TBC1D32: variants seen among roughly 807,000 people sequenced by gnomAD.
TBC1D32 encodes the protein protein broad-minded.
A neutral mutation model predicts 170.3 loss-of-function variants in TBC1D32; 151 were observed. That is an observed-to-expected ratio of 0.89 (90% CI 0.78 to 1.01). The LOEUF is 1.01. TBC1D32 is among the 50% of genes least tolerant of loss of function. The probability of loss-of-function intolerance (pLI) is 0.00; values close to 1 mark genes in which losing one functional copy is unlikely to be tolerated. For missense variants in TBC1D32, 1,464 were observed against 1,457.1 expected (o/e 1.00, Z -0.08); for synonymous variants, 498 against 488.0 (o/e 1.02, Z -0.27).
intron 30 of TBC1D32, among the ~76,000 whole-genome samples, chr6:121,104,859 T>C (rs958818675): frequency 2.6e-5 from 4 of 151,714 alleles, no homozygotes; most frequent in Non-Finnish European, 5.9e-5. Flanking sequence ...TAATTTAACA[T>C]AATAGCAATC....
chr6:121,247,029 T>C (rs894299912), intron 17 of TBC1D32, among the ~76,000 whole-genome samples: 7 of 151,992 alleles, frequency 4.6e-5, no homozygotes, highest in Admixed American at 1.3e-4. Flanking sequence ...CATAAGGTTA[T>C]CTAAAGTCAA....
chr6:121,247,948 C>T (rs1488479080), intron 17 of TBC1D32, among the ~76,000 whole-genome samples: 1 of 152,016 alleles, frequency 6.6e-6, no homozygotes, highest in Non-Finnish European at 1.5e-5. Context: ...TGGACTTAAA[C>T]TATACTCTAC....
At chr6:121,214,648 TCA>T (rs1213081900) in intron 21 of TBC1D32, among the ~76,000 whole-genome samples, 3 of 152,142 alleles carry the variant, frequency 2.0e-5, no homozygotes, top group Non-Finnish European at 4.4e-5. Flanking sequence ...AAAGAGGGTG[TCA>T]CAGCCATGGA....
At chr6:121,293,922 A>G (rs973835423) in intron 11 of TBC1D32, among the ~76,000 whole-genome samples, 1 of 152,180 alleles carries the variant, frequency 6.6e-6, no homozygotes. Context: ...AAAAATAAAT[A>G]AATAAAATAC....
At chr6:121,225,628 G>A (rs1794971319) in intron 20 of TBC1D32, among the ~76,000 whole-genome samples, 1 of 152,012 alleles carries the variant, frequency 6.6e-6, no homozygotes, top group Non-Finnish European at 1.5e-5. Flanking sequence ...GGTAAGGTGT[G>A]ATATGCTACT....
At chr6:121,201,613 G>T (rs1374462415) in intron 22 of TBC1D32, among the ~76,000 whole-genome samples, 2 of 151,118 alleles carry the variant, frequency 1.3e-5, no homozygotes. Context: ...TTGAAATTCA[G>T]CAATTCCTTC....
intron 31 of TBC1D32, among the ~76,000 whole-genome samples, chr6:121,081,518 G>A (rs1165168518): frequency 4.6e-5 from 7 of 151,944 alleles, no homozygotes; most frequent in Non-Finnish European, 7.4e-5. Flanking sequence ...AATATGCGAA[G>A]AAAAGTCATC....
chr6:121,297,677 C>T (rs9387943), intron 10 of TBC1D32, among the ~76,000 whole-genome samples: 1 of 152,138 alleles, frequency 6.6e-6, no homozygotes, highest in South Asian at 2.1e-4. Flanking sequence ...ATGCTACCTA[C>T]TAAAAATGTC....
intron 4 of TBC1D32, among the ~76,000 whole-genome samples, chr6:121,309,526 G>GT (rs1807848409): frequency 6.6e-6 from 1 of 151,852 alleles, no homozygotes; most frequent in Non-Finnish European, 1.5e-5. Flanking sequence ...AAATTTAATA[G>GT]TTTGAGAAAA....
At chr6:121,146,577 G>C (rs1384362912) in intron 24 of TBC1D32, among the ~76,000 whole-genome samples, 1 of 152,160 alleles carries the variant, frequency 6.6e-6, no homozygotes, top group Non-Finnish European at 1.5e-5. Context: ...CAGTCATCTA[G>C]GAGACTAGAA....
At chr6:121,308,744 G>A (rs762499125) in intron 4 of TBC1D32, among the ~76,000 whole-genome samples, 7 of 129,452 alleles carry the variant, frequency 5.4e-5, no homozygotes, top group South Asian at 2.3e-4. Flanking sequence ...GCCAGACTGC[G>A]GACTGCAGTG....
chr6:121,272,573 C>G (rs1583503446), intron 15 of TBC1D32, among the ~76,000 whole-genome samples: 1 of 152,084 alleles, frequency 6.6e-6, no homozygotes, highest in African/African-American at 2.4e-5. Flanking sequence ...CATCTCACAC[C>G]AGTTAGAATG....
chr6:121,279,576 C>T (rs1185417076), intron 14 of TBC1D32, among the ~76,000 whole-genome samples: 1 of 151,870 alleles, frequency 6.6e-6, no homozygotes, highest in Non-Finnish European at 1.5e-5. Flanking sequence ...TTATTTCCCA[C>T]CCACTGGGCT....
chr6:121,172,120 A>T (rs151242824), intron 22 of TBC1D32, among the ~76,000 whole-genome samples: 2,222 of 152,206 alleles, frequency 0.015, 26 homozygotes, highest in Non-Finnish European at 0.022. Context: ...TTCTCTCTTG[A>T]ATGCCACCAC....
chr6:121,089,642 GAT>G (rs1388862146), intron 31 of TBC1D32, among the ~76,000 whole-genome samples: 1 of 151,904 alleles, frequency 6.6e-6, no homozygotes, highest in Non-Finnish European at 1.5e-5. Context: ...CTAATCTAGT[GAT>G]ATATATCGAA....
intron 17 of TBC1D32, among the ~76,000 whole-genome samples, chr6:121,246,503 G>A (rs1563062991): frequency 6.6e-6 from 1 of 151,952 alleles, no homozygotes; most frequent in Non-Finnish European, 1.5e-5. Flanking sequence ...AAAGGTCACA[G>A]TAGGCCCCAG....
intron 1 of TBC1D32, among the ~76,000 whole-genome samples, chr6:121,327,166 T>G (rs1810567179): frequency 1.3e-5 from 2 of 151,892 alleles, no homozygotes; most frequent in South Asian, 4.1e-4. Context: ...AAACTACCTA[T>G]CAAAATACTA....
At chr6:121,126,498 T>G (rs992941277) in intron 25 of TBC1D32, 37 bp from the exon 26 acceptor site, 2 of 1,476,538 alleles carry the variant, frequency 1.4e-6, no homozygotes, top group Non-Finnish European at 1.9e-6. Context: ...ATATTAAAGG[T>G]CAGAATAATA....
intron 5 of TBC1D32, 44 bp from the exon 6 acceptor site, chr6:121,304,877 AATAGAATAGAGATGAAACAT>A: frequency 3.9e-6 from 5 of 1,269,090 alleles, no homozygotes; most frequent in Non-Finnish European, 5.6e-6. Flanking sequence ...ATCTCACAAG[AATAGAATAGAGATGAAACAT>A]TTTTCACACA....
Sources: allele counts gnomAD v4.1 joint callset (sites outside exome capture counted in the v4.1 genomes callset), GRCh38; gene constraint gnomAD v4.1.1; transcripts MANE v1.5; gene names NCBI Gene and HGNC (gene_info 2026-07-23, HGNC 2026-07-21).